The following PTPRD variants were observed in gnomAD, a reference collection of about 807,000 sequenced individuals.
The protein encoded by PTPRD is protein tyrosine phosphatase receptor type D, also known as receptor-type tyrosine-protein phosphatase delta.
A neutral mutation model predicts 214.5 loss-of-function variants in PTPRD; 34 were observed. The observed-to-expected ratio is 0.16, with a 90% CI of 0.12 to 0.21. The LOEUF (loss-of-function observed/expected upper bound fraction) is 0.21. PTPRD is among the 10% of genes least tolerant of loss of function. The pLI is 1.00. For missense variants in PTPRD, 2,545 were observed against 2,398.7 expected (o/e 1.06, Z -1.27); for synonymous variants, 1,128 against 845.7 (o/e 1.33, Z -5.79).
chr9:9,047,873 G>A (rs1034145487), intron 10 of PTPRD, among the ~76,000 whole-genome samples: 38 of 152,128 alleles, frequency 2.5e-4, no homozygotes, highest in Non-Finnish European at 5.4e-4. Flanking sequence ...AGCAGAAATG[G>A]ACAAATTGGA....
At chr9:8,433,481 G>C (rs1351915999) in intron 35 of PTPRD, among the ~76,000 whole-genome samples, 5 of 152,194 alleles carry the variant, frequency 3.3e-5, no homozygotes, top group African/African-American at 9.7e-5. Context: ...CATCATAGGA[G>C]ATGACAGCTC....
intron 5 of PTPRD, among the ~76,000 whole-genome samples, chr9:9,779,375 C>T (rs2098825578): frequency 6.6e-6 from 1 of 152,092 alleles, no homozygotes; most frequent in Admixed American, 6.6e-5. Flanking sequence ...AACTAAACAG[C>T]TTCTGCACAG....
intron 9 of PTPRD, among the ~76,000 whole-genome samples, chr9:9,273,888 C>A (rs1046139576): frequency 6.6e-6 from 1 of 151,260 alleles, no homozygotes; most frequent in Non-Finnish European, 1.5e-5. Flanking sequence ...GCCAAACCTT[C>A]CAGAGGTTTG....
intron 3 of PTPRD, among the ~76,000 whole-genome samples, chr9:10,060,866 TTCTTTCCTTCC>T (rs2097758268): frequency 2.2e-5 from 2 of 91,228 alleles, no homozygotes; most frequent in Admixed American, 2.0e-4. Context: ...TCTTCCTTCC[TTCTTTCCTTCC>T]TTCCTTCCTT....
intron 4 of PTPRD, among the ~76,000 whole-genome samples, chr9:9,997,480 G>A (rs1214539780): frequency 6.6e-6 from 1 of 152,064 alleles, no homozygotes; most frequent in South Asian, 2.1e-4. Flanking sequence ...GTAGAGATGG[G>A]GTTTTTCCAA....
intron 4 of PTPRD, among the ~76,000 whole-genome samples, chr9:10,009,394 C>T (rs1379138454): frequency 2.6e-5 from 4 of 151,994 alleles, no homozygotes; most frequent in South Asian, 2.1e-4. Flanking sequence ...TGCACGGGTT[C>T]GGTCCAGAAA....
intron 4 of PTPRD, among the ~76,000 whole-genome samples, chr9:10,024,380 G>T (rs1218484233): frequency 6.6e-6 from 1 of 152,064 alleles, no homozygotes; most frequent in Non-Finnish European, 1.5e-5. Context: ...TGAATGCCTG[G>T]TGTCTTGAGA....
intron 3 of PTPRD, among the ~76,000 whole-genome samples, chr9:10,123,405 T>C (rs2098792063): frequency 6.6e-6 from 1 of 152,216 alleles, no homozygotes; most frequent in Non-Finnish European, 1.5e-5. Flanking sequence ...CTCTATGAAG[T>C]CTTGAATTAC....
intron 19 of PTPRD, among the ~76,000 whole-genome samples, chr9:8,521,879 G>T (rs1377560727): frequency 6.6e-6 from 1 of 152,016 alleles, no homozygotes; most frequent in East Asian, 1.9e-4. Flanking sequence ...ATACATGCAG[G>T]CATATAACAA....
intron 3 of PTPRD, among the ~76,000 whole-genome samples, chr9:10,291,942 A>C (rs1037369442): frequency 6.6e-6 from 1 of 152,014 alleles, no homozygotes; most frequent in African/African-American, 2.4e-5. Context: ...GCTGTTTTCT[A>C]CAGTAAAGAT....
intron 2 of PTPRD, among the ~76,000 whole-genome samples, chr9:10,528,140 A>C (rs1349931436): frequency 1.3e-5 from 2 of 152,114 alleles, no homozygotes; most frequent in East Asian, 3.9e-4. Flanking sequence ...CTCTACAGTG[A>C]ATCCTGCTCT....
In PTPRD at chr9:10,404,603, A is replaced by G. The variant is rs2098330068; in HGVS notation, c.-599-63586T>C. On this transcript the variant is annotated intron_variant, in intron 2 of 45. Transcript: ENST00000381196. ...TCCAAAATCAACCAGTGACCATTAA[A>G]TAATGACAAGTAGCAATTATTGAGT... Among the ~76,000 whole-genome samples, 2 of 7,050 alleles carry G rather than the reference A, an allele frequency of 2.8e-4. 1 individual carries two copies. The highest frequency in any genetic ancestry group is 7.9e-3 in the South Asian group (2 of 252). The allele number at this position is 7,050 out of a possible 152,430, so 4.6% of individuals were successfully genotyped here.
At chr9:8,639,952 A>G (rs1378395821) in intron 12 of PTPRD, among the ~76,000 whole-genome samples, 1 of 152,054 alleles carries the variant, frequency 6.6e-6, no homozygotes, top group Non-Finnish European at 1.5e-5. Flanking sequence ...GTTTTTTGAG[A>G]CAGGGTCTTG....
intron 2 of PTPRD, among the ~76,000 whole-genome samples, chr9:10,561,249 C>A (rs2208710): frequency 6.6e-6 from 1 of 151,946 alleles, no homozygotes; most frequent in African/African-American, 2.4e-5. Context: ...GGAATAGTAG[C>A]ACTTATCTGT....
chr9:10,582,590 A>G lies in PTPRD; in HGVS notation c.-600+29808T>C, dbSNP rs531696671. Among the ~76,000 whole-genome samples the G allele has an allele frequency of 5.9e-5, 9 of 152,328 alleles. No individual in the cohort carries two copies. In the South Asian group the frequency reaches 1.9e-3, roughly 32 times the overall value. On this transcript the variant is annotated intron_variant, in intron 2 of 45. Transcript: ENST00000381196. ...TTTCCTCTACTACATATCTGGGATG[A>G]CTAGCCATCTAACCTTGAATATTTC... is the stretch of plus-strand genomic sequence containing the variant.
chr9:10,530,467 C>T (rs1259128747), intron 2 of PTPRD, among the ~76,000 whole-genome samples: 1 of 152,044 alleles, frequency 6.6e-6, no homozygotes, highest in African/African-American at 2.4e-5. Context: ...AACAAGTGTT[C>T]CCTAATAGCA....
At position 9,706,842 on chromosome 9, in the gene PTPRD, G is replaced by A. The variant is rs548637940; in HGVS notation, c.-287+27691C>T. On this transcript the variant is annotated intron_variant, in intron 7 of 45. Transcript: ENST00000381196. ...AAAAGCCTGTTTGGGGTGGGAATGG[G>A]GCGAGGTAGGTAGTGCTGCTGGAGG... is the stretch of plus-strand genomic sequence containing the variant. Among the ~76,000 whole-genome samples, 10 of 152,196 alleles carry A rather than the reference G, an allele frequency of 6.6e-5. No homozygotes were observed. In the South Asian group the frequency reaches 2.1e-3, roughly 32 times the overall value.
intron 11 of PTPRD, among the ~76,000 whole-genome samples, chr9:8,800,127 C>T (rs982989633): frequency 1.3e-5 from 2 of 152,056 alleles, no homozygotes; most frequent in Admixed American, 6.6e-5. Flanking sequence ...CATTTCCCTA[C>T]CTTCCACATA....
chr9:9,063,040 A>G (rs16928853), intron 10 of PTPRD, among the ~76,000 whole-genome samples: 10,193 of 152,178 alleles, frequency 0.067, 360 homozygotes, highest in Middle Eastern at 0.13. Context: ...TCTGGGCAGT[A>G]TGTCTAAGGT....
Sources: allele counts gnomAD v4.1 joint callset (sites outside exome capture counted in the v4.1 genomes callset), GRCh38; gene constraint gnomAD v4.1.1; transcripts MANE v1.5; gene names NCBI Gene and HGNC (gene_info 2026-07-23, HGNC 2026-07-21).